Variants in STK26 observed in about 807,000 individuals in gnomAD.
STK26 encodes serine/threonine-protein kinase 26.
STK26 carries 14 observed loss-of-function variants against 34.7 expected under a neutral mutation model. That is an observed-to-expected ratio of 0.40 (90% CI 0.27 to 0.63). The LOEUF is 0.63. Among genes scored for constraint, STK26 ranks in the 30% least tolerant of loss-of-function variants. The pLI, the probability that STK26 is intolerant of heterozygous loss-of-function variation, is 0.38. For synonymous variants in STK26, 100 were observed against 109.8 expected (o/e 0.91, Z 0.56); for missense variants, 226 against 309.1 (o/e 0.73, Z 2.02).
At chrX:132,027,563 C>T (rs1020555085) in intron 2 of STK26, among the ~76,000 whole-genome samples, 8 of 111,233 alleles carry the variant, frequency 7.2e-5, no homozygotes, top group African/African-American at 2.3e-4. Flanking sequence ...AGTGCATGCA[C>T]ACACACACAC....
chrX:132,033,755 T>A (rs1925926664), intron 2 of STK26, among the ~76,000 whole-genome samples: 1 of 111,577 alleles, frequency 9.0e-6, no homozygotes. Context: ...GTGCTTGCTG[T>A]CTATCTTTGA....
chrX:132,057,037 G>A (rs1468088017), intron 3 of STK26, among the ~76,000 whole-genome samples: 2 of 111,978 alleles, frequency 1.8e-5, no homozygotes, highest in Non-Finnish European at 3.8e-5. Context: ...GGGCCCTGGG[G>A]TGTGAGCTAG....
intron 3 of STK26, among the ~76,000 whole-genome samples, chrX:132,056,563 G>T (rs138120979): frequency 3.6e-5 from 4 of 111,552 alleles, no homozygotes; most frequent in Non-Finnish European, 7.5e-5. Context: ...AATCATAGCC[G>T]AGTAGATCCC....
rs139397115 is a variant in STK26 at position 132,033,451 on chromosome X, C to T, written c.42+9792C>T. Reference sequence around the variant, plus strand: ...TGTATCTGACAGCCTCAGGGAAATACGCATATTTCAAATTTATGTTTTTTA... The same window carrying T: ...TGTATCTGACAGCCTCAGGGAAATATGCATATTTCAAATTTATGTTTTTTA... On this transcript the variant is annotated intron_variant, in intron 2 of 11. Coordinates refer to ENST00000394334, the MANE Select transcript of STK26 (RefSeq NM_016542.4). Among the ~76,000 whole-genome samples, 9 of 112,114 alleles carry T rather than the reference C, an allele frequency of 8.0e-5. No individual in the cohort carries two copies. The East Asian group carries it at 1.4e-3, about 17-fold the overall frequency.
intron 2 of STK26, among the ~76,000 whole-genome samples, chrX:132,029,374 T>C (rs749301817): frequency 5.0e-4 from 56 of 112,014 alleles, no homozygotes; most frequent in African/African-American, 1.3e-3. Flanking sequence ...TGAGAGGTTA[T>C]TAGGATGAAT....
intron 2 of STK26, among the ~76,000 whole-genome samples, chrX:132,034,689 G>T (rs1925982697): frequency 9.0e-6 from 1 of 111,410 alleles, no homozygotes; most frequent in South Asian, 3.7e-4. Context: ...AAATAACATT[G>T]TTTGTTTTGG....
At position 132,070,929 on chromosome X, in the gene STK26, C is replaced by T. The variant is rs1927393026; in HGVS notation, c.784-140C>T. On this transcript the variant is annotated intron_variant, in intron 7 of 11. Coordinates refer to ENST00000394334, the MANE Select transcript of STK26 (RefSeq NM_016542.4). ...AATAATAGAATTAGCTATTTTCCTACAGCATTTTAGTTGTTCTTATGTCTA... is the reference window on the plus strand; with the variant it reads ...AATAATAGAATTAGCTATTTTCCTATAGCATTTTAGTTGTTCTTATGTCTA... 8 of 581,842 alleles carry T rather than the reference C, an allele frequency of 1.4e-5. No individual in the cohort carries two copies. The Admixed American group carries it at 3.4e-4, about 25-fold the overall frequency. The allele number at this position is 581,842 out of a possible 1,213,427, so 48.0% of individuals were successfully genotyped here. A position where few individuals can be genotyped will look rare whatever the true frequency, so the allele number is the denominator to read the frequency against.
At chrX:132,043,560 C>T (rs1926339638) in intron 2 of STK26, among the ~76,000 whole-genome samples, 1 of 111,677 alleles carries the variant, frequency 9.0e-6, no homozygotes, top group African/African-American at 3.3e-5. Context: ...CAGTAATAAT[C>T]TCTGTAATTT....
intron 2 of STK26, 144 bp from the exon 3 acceptor site, chrX:132,054,487 A>C (rs1448001721): frequency 2.0e-6 from 1 of 497,822 alleles, no homozygotes; most frequent in Non-Finnish European, 3.3e-6. Flanking sequence ...AGTTGTTCTA[A>C]CAAAGCACAT....
At chrX:132,060,547 C>A (rs1927012581) in intron 3 of STK26, among the ~76,000 whole-genome samples, 1 of 110,225 alleles carries the variant, frequency 9.1e-6, no homozygotes, top group African/African-American at 3.3e-5. Context: ...GCATTGGCTA[C>A]ATTCACATTG....
intron 2 of STK26, among the ~76,000 whole-genome samples, chrX:132,050,424 C>T (rs940721872): frequency 2.1e-4 from 23 of 111,904 alleles, no homozygotes; most frequent in Middle Eastern, 4.2e-3. Context: ...AGTCATCCCT[C>T]GGGATTCCAG....
At chrX:132,035,132 G>A (rs766770427) in intron 2 of STK26, among the ~76,000 whole-genome samples, 8 of 111,278 alleles carry the variant, frequency 7.2e-5, no homozygotes, top group Non-Finnish European at 5.7e-5. Context: ...TCAGTAACAC[G>A]TTTGTTGAAG....
At chrX:132,038,421 A>G (rs771164250) in intron 2 of STK26, among the ~76,000 whole-genome samples, 58 of 111,618 alleles carry the variant, frequency 5.2e-4, no homozygotes, top group Non-Finnish European at 6.4e-4. Flanking sequence ...TTTCGTTGGT[A>G]GAAAGCTTGT....
chrX:132,046,623 G>A (rs1408563123), intron 2 of STK26, among the ~76,000 whole-genome samples: 1 of 111,839 alleles, frequency 8.9e-6, no homozygotes, highest in Non-Finnish European at 1.9e-5. Context: ...TTAAACAGTT[G>A]CCTTAATAGT....
chrX:132,040,433 C>T (rs1926221974), intron 2 of STK26, among the ~76,000 whole-genome samples: 2 of 112,115 alleles, frequency 1.8e-5, no homozygotes, highest in African/African-American at 6.5e-5. Flanking sequence ...AGATATGTTT[C>T]TGTTTGCTTT....
At chrX:132,065,292 C>G (rs1927183904) in intron 4 of STK26, among the ~76,000 whole-genome samples, 1 of 111,788 alleles carries the variant, frequency 8.9e-6, no homozygotes, top group African/African-American at 3.3e-5. Context: ...TTCATTAGCT[C>G]TACAAGAAGC....
intron 2 of STK26, among the ~76,000 whole-genome samples, chrX:132,028,123 C>A (rs1251371699): frequency 9.5e-6 from 1 of 105,061 alleles, no homozygotes; most frequent in Non-Finnish European, 1.9e-5. Flanking sequence ...CATTGGCCTT[C>A]CAAAGTGCTA....
intron 2 of STK26, among the ~76,000 whole-genome samples, chrX:132,044,622 T>G (rs774534540): frequency 0.011 from 877 of 80,506 alleles, 17 homozygotes; most frequent in Middle Eastern, 0.029. Flanking sequence ...CACTGGATGT[T>G]CAAATTCTCT....
At chrX:132,032,029 T>C (rs1251884174) in intron 2 of STK26, among the ~76,000 whole-genome samples, 1 of 111,320 alleles carries the variant, frequency 9.0e-6, no homozygotes, top group East Asian at 2.8e-4. Context: ...ACATATCCTG[T>C]CCTCCATTCC....
Sources: gnomAD v4.1 joint callset for allele counts (sites outside exome capture counted in the v4.1 genomes callset) on GRCh38, gnomAD v4.1.1 for gene constraint, MANE v1.5 for transcripts, NCBI Gene and HGNC (gene_info 2026-07-23, HGNC 2026-07-21) for gene names.